The following KCND3 variants were observed in gnomAD, a reference collection of about 807,000 sequenced individuals.
KCND3 encodes A-type voltage-gated potassium channel KCND3.
Under a neutral mutation model 51.1 loss-of-function variants are expected in KCND3, and 9 were observed. That is an observed-to-expected ratio of 0.18 (90% confidence interval 0.11 to 0.31). KCND3 has a LOEUF of 0.31. Ranked by LOEUF, KCND3 falls within the 10% of genes least tolerant of loss-of-function variation. The pLI, the probability that KCND3 is intolerant of heterozygous loss-of-function variation, is 1.00. For missense variants in KCND3, 526 were observed against 903.8 expected (o/e 0.58, Z 5.36); for synonymous variants, 349 against 368.0 (o/e 0.95, Z 0.59).
intron 2 of KCND3, among the ~76,000 whole-genome samples, chr1:111,833,493 C>T (rs1242788511): frequency 1.3e-5 from 2 of 152,212 alleles, no homozygotes; most frequent in Non-Finnish European, 2.9e-5. Context: ...AAGCTGGTAA[C>T]AAGTCCTCAG....
intron 2 of KCND3, among the ~76,000 whole-genome samples, chr1:111,838,978 A>T (rs1272393456): frequency 6.6e-6 from 1 of 152,184 alleles, no homozygotes; most frequent in Non-Finnish European, 1.5e-5. Flanking sequence ...AGGAAAAGGA[A>T]ATCATTTAAA....
At chr1:111,873,632 C>T (rs1453887686) in intron 2 of KCND3, among the ~76,000 whole-genome samples, 3 of 151,988 alleles carry the variant, frequency 2.0e-5, no homozygotes, top group African/African-American at 4.8e-5. Flanking sequence ...CCCAGGGCCC[C>T]GATCAGGCAT....
intron 2 of KCND3, among the ~76,000 whole-genome samples, chr1:111,915,073 TA>T (rs1372905206): frequency 5.9e-5 from 9 of 152,144 alleles, no homozygotes; most frequent in Non-Finnish European, 7.4e-5. Flanking sequence ...TTTGATATGC[TA>T]AAATGTATAT....
intron 2 of KCND3, among the ~76,000 whole-genome samples, chr1:111,928,774 G>A (rs1377214935): frequency 6.6e-6 from 1 of 152,166 alleles, no homozygotes; most frequent in Non-Finnish European, 1.5e-5. Context: ...TAGATCTCAC[G>A]CACTCCCTAC....
chr1:111,928,786 C>T (rs747731479), intron 2 of KCND3, among the ~76,000 whole-genome samples: 1 of 152,180 alleles, frequency 6.6e-6, no homozygotes, highest in Non-Finnish European at 1.5e-5. Context: ...ACTCCCTACA[C>T]AGCCCTTCCT....
chr1:111,899,208 C>T (rs766517514), intron 2 of KCND3, among the ~76,000 whole-genome samples: 4 of 152,210 alleles, frequency 2.6e-5, no homozygotes, highest in Non-Finnish European at 4.4e-5. Flanking sequence ...TAGCTTATCA[C>T]TGTTCCAGCA....
intron 2 of KCND3, among the ~76,000 whole-genome samples, chr1:111,815,719 T>C (rs1666057017): frequency 6.6e-6 from 1 of 151,836 alleles, no homozygotes; most frequent in South Asian, 2.1e-4. Flanking sequence ...AAGTCTCTTT[T>C]CCCCCGTTGC....
intron 2 of KCND3, among the ~76,000 whole-genome samples, chr1:111,800,203 A>G (rs1665239340): frequency 8.0e-6 from 1 of 124,400 alleles, no homozygotes; most frequent in Non-Finnish European, 1.7e-5. Context: ...ACTAAGAAAA[A>G]TTCCTCTGCC....
intron 2 of KCND3, among the ~76,000 whole-genome samples, chr1:111,955,215 C>T (rs1673267502): frequency 6.6e-6 from 1 of 152,176 alleles, no homozygotes; most frequent in South Asian, 2.1e-4. Flanking sequence ...TGAAGAGCAG[C>T]CTGGGCAACA....
intron 2 of KCND3, among the ~76,000 whole-genome samples, chr1:111,858,548 A>G (rs992652302): frequency 6.6e-6 from 1 of 152,158 alleles, no homozygotes; most frequent in African/African-American, 2.4e-5. Context: ...CATTATTATC[A>G]TGTTGATTTT....
chr1:111,860,543 C>A (rs144058325), intron 2 of KCND3, among the ~76,000 whole-genome samples: 2 of 152,164 alleles, frequency 1.3e-5, no homozygotes, highest in Non-Finnish European at 2.9e-5. Flanking sequence ...CCCCACCCCC[C>A]CAACTTGGGA....
chr1:111,851,540 A>G (rs1279018877), intron 2 of KCND3, among the ~76,000 whole-genome samples: 1 of 151,774 alleles, frequency 6.6e-6, no homozygotes, highest in African/African-American at 2.4e-5. Flanking sequence ...TCTCATCACA[A>G]CTCCTCCTGG....
At chr1:111,964,855 T>A (rs538923374) in intron 2 of KCND3, among the ~76,000 whole-genome samples, 1 of 152,280 alleles carries the variant, frequency 6.6e-6, no homozygotes, top group East Asian at 1.9e-4. Context: ...CATTTCCCGA[T>A]GTGTGCAATC....
intron 2 of KCND3, among the ~76,000 whole-genome samples, chr1:111,900,159 C>T (rs1175945057): frequency 6.6e-6 from 1 of 152,116 alleles, no homozygotes; most frequent in Non-Finnish European, 1.5e-5. Flanking sequence ...CTCACCCTTG[C>T]CTTCTCCACA....
At chr1:111,964,422 C>T (rs1161663786) in intron 2 of KCND3, among the ~76,000 whole-genome samples, 1 of 147,320 alleles carries the variant, frequency 6.8e-6, no homozygotes, top group Non-Finnish European at 1.5e-5. Context: ...GATTCCCTCC[C>T]TCCCCCGGCC....
chr1:111,906,702 T>C (rs1163845814), intron 2 of KCND3, among the ~76,000 whole-genome samples: 1 of 152,136 alleles, frequency 6.6e-6, no homozygotes, highest in Non-Finnish European at 1.5e-5. Flanking sequence ...ACTTTTGGGG[T>C]TGGGGGATCA....
intron 2 of KCND3, among the ~76,000 whole-genome samples, chr1:111,887,796 T>C (rs1245181093): frequency 1.3e-5 from 2 of 152,186 alleles, no homozygotes; most frequent in Non-Finnish European, 2.9e-5. Flanking sequence ...AATGGGAAAT[T>C]CATGCTCAGT....
intron 2 of KCND3, among the ~76,000 whole-genome samples, chr1:111,790,426 T>C (rs1430383608): frequency 2.0e-5 from 3 of 152,204 alleles, no homozygotes; most frequent in African/African-American, 7.2e-5. Context: ...CTCTTTCCCA[T>C]GATGATGTAA....
chr1:111,965,783 G>GT lies in KCND3; in HGVS notation c.1106+15837dup, dbSNP rs568557051. ...GCACTTGACTCCTGCTTGTTTTGAAGTTTTATCCTTCAGTATGTTTGATCC... is the reference window on the plus strand; with the variant it reads ...GCACTTGACTCCTGCTTGTTTTGAAGTTTTTATCCTTCAGTATGTTTGATCC... On this transcript the variant is annotated intron_variant, in intron 2 of 7. Transcript: ENST00000302127. Among the ~76,000 whole-genome samples the GT allele has an allele frequency of 9.2e-5, 14 of 152,042 alleles. No homozygotes were observed. In the South Asian group the frequency reaches 2.9e-3, roughly 32 times the overall value.
Sources: allele counts gnomAD v4.1 joint callset (sites outside exome capture counted in the v4.1 genomes callset), GRCh38; gene constraint gnomAD v4.1.1; transcripts MANE v1.5; gene names NCBI Gene and HGNC (gene_info 2026-07-23, HGNC 2026-07-21).